The following SEMA5B variants were observed in gnomAD, a reference collection of about 807,000 sequenced individuals.
The protein encoded by SEMA5B is semaphorin 5B.
In SEMA5B, 66 loss-of-function variants were observed where a neutral mutation model predicts 135.0. The observed-to-expected ratio is 0.49, with a 90% CI of 0.40 to 0.60. The LOEUF (loss-of-function observed/expected upper bound fraction) is 0.60. SEMA5B is among the 20% of genes least tolerant of loss of function. The pLI is 0.00. For missense variants in SEMA5B, 1,501 were observed against 1,566.3 expected, an observed-to-expected ratio of 0.96 and a Z score of 0.70; for synonymous variants, 690 against 639.5, an observed-to-expected ratio of 1.08 and a Z score of -1.19.
intron 1 of SEMA5B, among the ~76,000 whole-genome samples, chr3:122,985,381 A>G (rs776724283): frequency 1.6e-4 from 24 of 152,106 alleles, no homozygotes; most frequent in Non-Finnish European, 1.6e-4. Flanking sequence ...ACTTGCCTGT[A>G]GTTCTAGCTA....
chr3:122,952,397 C>A (rs564443871), intron 2 of SEMA5B, among the ~76,000 whole-genome samples: 101 of 152,302 alleles, frequency 6.6e-4, no homozygotes, highest in African/African-American at 2.3e-3. Flanking sequence ...ATCTCTGGAG[C>A]CAGACAACCC....
chr3:123,004,504 G>T (rs533194177), intron 1 of SEMA5B, among the ~76,000 whole-genome samples: 1 of 152,292 alleles, frequency 6.6e-6, no homozygotes, highest in East Asian at 1.9e-4. Context: ...CGTGTAAGAA[G>T]GCAGGGATGC....
chr3:122,973,623 T>G (rs913802851), intron 1 of SEMA5B, among the ~76,000 whole-genome samples: 31 of 152,210 alleles, frequency 2.0e-4, no homozygotes, highest in African/African-American at 7.0e-4. Context: ...ATGATGGTGT[T>G]TGTGCAGTAA....
At chr3:122,952,639 G>A (rs1940108271) in intron 2 of SEMA5B, among the ~76,000 whole-genome samples, 1 of 152,192 alleles carries the variant, frequency 6.6e-6, no homozygotes, top group African/African-American at 2.4e-5. Context: ...AAGAGGAACA[G>A]GGACTGGAGC....
intron 7 of SEMA5B, 37 bp downstream of exon 7, chr3:122,928,480 G>GTGCC: frequency 6.7e-7 from 1 of 1,493,884 alleles, no homozygotes; most frequent in South Asian, 1.2e-5. Flanking sequence ...CCCCGGCATG[G>GTGCC]TGCCCCCTTC....
chr3:122,951,481 C>T (rs1940042637), intron 2 of SEMA5B, among the ~76,000 whole-genome samples: 1 of 152,178 alleles, frequency 6.6e-6, no homozygotes, highest in Admixed American at 6.5e-5. Flanking sequence ...TTTGGGTTCA[C>T]TAAAACTCCT....
chr3:122,932,235 T>C (rs1383092617), intron 5 of SEMA5B, among the ~76,000 whole-genome samples: 1 of 137,124 alleles, frequency 7.3e-6, no homozygotes, highest in Non-Finnish European at 1.5e-5. Flanking sequence ...CACATCCCTC[T>C]CAATATGATT....
At chr3:123,013,867 G>T (rs1039959255) in intron 1 of SEMA5B, among the ~76,000 whole-genome samples, 2 of 152,222 alleles carry the variant, frequency 1.3e-5, no homozygotes, top group Admixed American at 6.5e-5. Flanking sequence ...GGGGAACAAG[G>T]CTGCTGCTCA....
chr3:122,932,633 C>T (rs368613098), intron 5 of SEMA5B, among the ~76,000 whole-genome samples: 68 of 152,274 alleles, frequency 4.5e-4, no homozygotes, highest in African/African-American at 1.5e-3. Context: ...GCCCAGACCC[C>T]TCCCACCCAT....
intron 1 of SEMA5B, among the ~76,000 whole-genome samples, chr3:122,969,423 C>T (rs1483261690): frequency 6.6e-6 from 1 of 152,218 alleles, no homozygotes; most frequent in East Asian, 1.9e-4. Context: ...AAGCTGAGTC[C>T]AGCCCAGTTC....
intron 12 of SEMA5B, among the ~76,000 whole-genome samples, chr3:122,920,441 G>A (rs905750962): frequency 1.3e-5 from 2 of 152,192 alleles, no homozygotes; most frequent in African/African-American, 4.8e-5. Flanking sequence ...TCATTGCCAA[G>A]CTGTACTGAC....
At chr3:122,995,884 A>C (rs1490666424) in intron 1 of SEMA5B, among the ~76,000 whole-genome samples, 1 of 152,224 alleles carries the variant, frequency 6.6e-6, no homozygotes, top group African/African-American at 2.4e-5. Flanking sequence ...TTCAAGTGAC[A>C]TCTTACCTAA....
intron 1 of SEMA5B, among the ~76,000 whole-genome samples, chr3:123,002,842 C>A (rs1394768167): frequency 6.6e-6 from 1 of 152,186 alleles, no homozygotes; most frequent in Non-Finnish European, 1.5e-5. Context: ...AATTAAACTT[C>A]AAGTAAACAC....
intron 5 of SEMA5B, among the ~76,000 whole-genome samples, chr3:122,932,240 A>G (rs1939009156): frequency 1.1e-5 from 1 of 92,270 alleles, no homozygotes; most frequent in Non-Finnish European, 2.2e-5. Context: ...CCCTCTCAAT[A>G]TGATTTTTTT....
intron 1 of SEMA5B, among the ~76,000 whole-genome samples, chr3:123,012,242 T>C (rs1210982705): frequency 6.6e-6 from 1 of 152,202 alleles, no homozygotes; most frequent in Non-Finnish European, 1.5e-5. Flanking sequence ...TACATGGTAG[T>C]TGTTATTTGA....
chr3:122,980,407 C>T (rs1306383063), intron 1 of SEMA5B, among the ~76,000 whole-genome samples: 3 of 151,212 alleles, frequency 2.0e-5, no homozygotes, highest in African/African-American at 7.3e-5. Flanking sequence ...TTGTGGTGAG[C>T]CGAGATCGTG....
rs1276258096 is a variant in SEMA5B, at chr3:122,922,136, G to A, written c.1481-14C>T. 4 of 1,527,926 alleles carry A rather than the reference G, an allele frequency of 2.6e-6. No individual in the cohort carries two copies. Among genetic ancestry groups the A allele is most frequent in the Non-Finnish European group, 3.5e-6 (4 of 1,131,668 alleles). The allele number at this position is 1,527,926 out of a possible 1,614,324, so 94.6% of individuals were successfully genotyped here. ...TGGTGCCCGACTCTGGAGGAGAGGG[G>A]GAGCCAGACCAAGGTGGCCTTGAAG... On this transcript the variant is annotated splice_polypyrimidine_tract_variant and intron_variant, in intron 11 of 22. Coordinates refer to ENST00000357599, the MANE Select transcript of SEMA5B (RefSeq NM_001031702.4).
intron 1 of SEMA5B, among the ~76,000 whole-genome samples, chr3:123,001,390 C>G (rs1231084905): frequency 2.0e-5 from 3 of 152,096 alleles, no homozygotes; most frequent in Admixed American, 6.5e-5. Flanking sequence ...CCACCCTGAC[C>G]TCCACTGTTT....
At chr3:122,914,800 G>GGT (rs1346208970) in intron 14 of SEMA5B, among the ~76,000 whole-genome samples, 3 of 152,134 alleles carry the variant, frequency 2.0e-5, no homozygotes, top group African/African-American at 7.2e-5. Flanking sequence ...AGCTGGGTAT[G>GGT]GTGTGGGCAC....
Sources: gnomAD v4.1 joint callset for allele counts (sites outside exome capture counted in the v4.1 genomes callset) on GRCh38, gnomAD v4.1.1 for gene constraint, MANE v1.5 for transcripts, NCBI Gene and HGNC (gene_info 2026-07-23, HGNC 2026-07-21) for gene names.